SDK1: variants seen among roughly 807,000 people sequenced by gnomAD.
SDK1 encodes protein sidekick-1.
Under a neutral mutation model 245.5 loss-of-function variants are expected in SDK1, and 157 were observed. The ratio of observed to expected loss-of-function variants is 0.64; its 90% confidence interval spans 0.56 to 0.73. The LOEUF (loss-of-function observed/expected upper bound fraction) is 0.73, where lower values mean the gene tolerates loss of function less well. SDK1 is among the 30% of genes least tolerant of loss of function. The pLI, the probability that SDK1 is intolerant of heterozygous loss-of-function variation, is 0.00. For missense variants in SDK1, 3,583 were observed against 3,002.3 expected, an observed-to-expected ratio of 1.19 and a Z score of -4.52; for synonymous variants, 1,647 against 1,278.5, an observed-to-expected ratio of 1.29 and a Z score of -6.15.
intron 5 of SDK1, among the ~76,000 whole-genome samples, chr7:3,902,533 A>G (rs142021091): frequency 1.3e-3 from 199 of 151,534 alleles, no homozygotes; most frequent in Non-Finnish European, 2.3e-3. Context: ...TCTTGCCTTA[A>G]TTTTTTTTTC....
At chr7:3,743,713 G>C (rs1779539255) in intron 4 of SDK1, among the ~76,000 whole-genome samples, 1 of 152,154 alleles carries the variant, frequency 6.6e-6, no homozygotes, top group African/African-American at 2.4e-5. Flanking sequence ...TGTCGGAGGA[G>C]GAGGAAGAGG....
At chr7:3,720,268 CA>C (rs1190804740) in intron 4 of SDK1, among the ~76,000 whole-genome samples, 1 of 151,266 alleles carries the variant, frequency 6.6e-6, no homozygotes, top group Admixed American at 6.6e-5. Context: ...AAAACAACAA[CA>C]AAAAAAGTAT....
intron 1 of SDK1, among the ~76,000 whole-genome samples, chr7:3,562,991 A>G (rs959314718): frequency 1.3e-5 from 2 of 151,236 alleles, no homozygotes; most frequent in Non-Finnish European, 2.9e-5. Context: ...AGGACATAAG[A>G]AAACAGAAAA....
intron 28 of SDK1, among the ~76,000 whole-genome samples, chr7:4,142,305 G>A (rs368589003): frequency 1.3e-5 from 2 of 151,908 alleles, no homozygotes; most frequent in African/African-American, 4.8e-5. Flanking sequence ...GGTGGTTTTG[G>A]TTTTGCGTTT....
intron 22 of SDK1, among the ~76,000 whole-genome samples, chr7:4,087,158 A>G (rs1486697824): frequency 6.6e-6 from 1 of 151,982 alleles, no homozygotes; most frequent in Non-Finnish European, 1.5e-5. Flanking sequence ...TTCTGGTTTC[A>G]TTTTTACATT....
Position 4,064,005 on chromosome 7 carries a change from G to A in SDK1, c.2912-3833G>A, listed in dbSNP as rs547813326. 4.6e-5 allele frequency among the ~76,000 whole-genome samples: 7 copies of A among 152,256 alleles called. No homozygotes were observed. In the East Asian group the frequency reaches 1.3e-3, roughly 29 times the overall value. On this transcript the variant is annotated intron_variant, in intron 19 of 44. Coordinates refer to ENST00000404826, the MANE Select transcript of SDK1 (RefSeq NM_152744.4). ...AATAAAACACAGGGGAAACACTTCA[G>A]GACATTAGTGTAGGCAAAGATTTTA...
intron 25 of SDK1, among the ~76,000 whole-genome samples, chr7:4,116,627 CA>C (rs1299699537): frequency 1.3e-5 from 2 of 152,228 alleles, no homozygotes; most frequent in Admixed American, 6.5e-5. Context: ...AACTTTCAGC[CA>C]CCAGCACCAA....
At chr7:3,754,477 T>G (rs1779860592) in intron 4 of SDK1, among the ~76,000 whole-genome samples, 1 of 152,220 alleles carries the variant, frequency 6.6e-6, no homozygotes, top group African/African-American at 2.4e-5. Context: ...TTTATCAGCC[T>G]TTGGAGATAT....
At chr7:3,905,253 A>T (rs929246338) in intron 5 of SDK1, among the ~76,000 whole-genome samples, 1 of 152,092 alleles carries the variant, frequency 6.6e-6, no homozygotes, top group African/African-American at 2.4e-5. Context: ...CTATATGGAC[A>T]TTTAAACGAC....
chr7:3,328,818 T>A (rs1358198691), intron 1 of SDK1, among the ~76,000 whole-genome samples: 2 of 152,138 alleles, frequency 1.3e-5, no homozygotes, highest in East Asian at 3.8e-4. Flanking sequence ...TTAGTTCAGG[T>A]CATGGGCTGT....
intron 4 of SDK1, among the ~76,000 whole-genome samples, chr7:3,642,562 T>C (rs1782686109): frequency 6.6e-6 from 1 of 152,360 alleles, no homozygotes; most frequent in Admixed American, 6.5e-5. Flanking sequence ...TGCTTATTTC[T>C]CTTTATCCTT....
At chr7:3,974,701 C>A in intron 13 of SDK1, 156 bp downstream of exon 13, 1 of 608,460 alleles carries the variant, frequency 1.6e-6, no homozygotes, top group Non-Finnish European at 2.8e-6. Context: ...CATATATGGA[C>A]AAGGTTTTTT....
intron 4 of SDK1, among the ~76,000 whole-genome samples, chr7:3,750,109 T>G (rs1779732914): frequency 6.6e-6 from 1 of 152,230 alleles, no homozygotes; most frequent in Admixed American, 6.5e-5. Flanking sequence ...CAAAAAATGT[T>G]TCACTCTGAA....
At chr7:3,821,315 G>T (rs1359605019) in intron 4 of SDK1, 135 bp from the exon 5 acceptor site, 1 of 964,048 alleles carries the variant, frequency 1.0e-6, no homozygotes, top group Non-Finnish European at 1.5e-6. Context: ...AAGTCGGCCT[G>T]TGTATTGTTT....
chr7:3,470,305 G>A (rs1217878173), intron 1 of SDK1, among the ~76,000 whole-genome samples: 2 of 152,104 alleles, frequency 1.3e-5, no homozygotes, highest in African/African-American at 4.8e-5. Context: ...CTAACAGATA[G>A]GTATAGGATC....
intron 5 of SDK1, among the ~76,000 whole-genome samples, chr7:3,930,170 G>C (rs371348105): frequency 6.6e-6 from 1 of 152,076 alleles, no homozygotes; most frequent in Non-Finnish European, 1.5e-5. Flanking sequence ...CTGAGACTTC[G>C]CCTTTATAAC....
chr7:3,503,195 A>G (rs1200426312), intron 1 of SDK1, among the ~76,000 whole-genome samples: 1 of 152,202 alleles, frequency 6.6e-6, no homozygotes, highest in African/African-American at 2.4e-5. Context: ...AAGGTTTTTA[A>G]GAATTTGTCA....
intron 4 of SDK1, among the ~76,000 whole-genome samples, chr7:3,779,057 A>G (rs1182916453): frequency 6.6e-6 from 1 of 152,244 alleles, no homozygotes; most frequent in Non-Finnish European, 1.5e-5. Context: ...CAAAGGCAGT[A>G]TTAAATTATG....
At chr7:4,173,219 C>G (rs1010701662) in intron 32 of SDK1, among the ~76,000 whole-genome samples, 2 of 152,194 alleles carry the variant, frequency 1.3e-5, no homozygotes, top group Non-Finnish European at 1.5e-5. Flanking sequence ...TTCCTTATCC[C>G]TCATCTGAGT....
Sources: gnomAD v4.1 joint callset for allele counts (sites outside exome capture counted in the v4.1 genomes callset) on GRCh38, gnomAD v4.1.1 for gene constraint, MANE v1.5 for transcripts, NCBI Gene and HGNC (gene_info 2026-07-23, HGNC 2026-07-21) for gene names.